C20orf203: variants seen among roughly 807,000 people sequenced by gnomAD.
C20orf203 encodes uncharacterized protein C20orf203.
In C20orf203, 16 loss-of-function variants were observed where a neutral mutation model predicts 15.9. The observed-to-expected ratio is 1.01, with a 90% CI of 0.68 to 1.53. The LOEUF (loss-of-function observed/expected upper bound fraction) is 1.53, where lower values mean the gene tolerates loss of function less well. Ranked by LOEUF, C20orf203 falls within the 40% of genes most tolerant of loss-of-function variation. C20orf203 has a pLI of 0.00. For missense variants in C20orf203, 263 were observed against 247.5 expected, an observed-to-expected ratio of 1.06 and a Z score of -0.42; for synonymous variants, 98 against 97.2, an observed-to-expected ratio of 1.01 and a Z score of -0.05.
At chr20:32,653,246 T>C (rs1401863711) in intron 1 of C20orf203, among the ~76,000 whole-genome samples, 1 of 152,158 alleles carries the variant, frequency 6.6e-6, no homozygotes, top group East Asian at 1.9e-4. Context: ...CAGAGGGAAG[T>C]GACCTGCCTA....
In C20orf203 at chr20:32,651,170, A is replaced by G; in HGVS notation, c.-14-4T>C. 1.1e-5 allele frequency: 1 copy of G among 94,148 alleles called. No individual in the cohort carries two copies. Among genetic ancestry groups the G allele is most frequent in the Non-Finnish European group, 2.4e-5 (1 of 41,274 alleles). 5.8% of individuals were successfully genotyped at this position (94,148 alleles called of 1,614,324 possible). A position where few individuals can be genotyped will look rare whatever the true frequency, so the allele number is the denominator to read the frequency against. On this transcript the variant is annotated splice_polypyrimidine_tract_variant and splice_region_variant and intron_variant, in intron 2 of 5. Transcript: ENST00000608990. ...GGAAACATAGGAGACCCTCTCTCTA[A>G]AAAAAAAAAAAAAAAAAAAAAAATT...
At chr20:32,648,123 C>T (rs1211189892) in intron 4 of C20orf203, among the ~76,000 whole-genome samples, 1 of 152,212 alleles carries the variant, frequency 6.6e-6, no homozygotes, top group African/African-American at 2.4e-5. Flanking sequence ...GGGTATCACA[C>T]CCGGGTCTAG....
At chr20:32,672,253 C>T (rs1306112690) in intron 1 of C20orf203, among the ~76,000 whole-genome samples, 21 of 151,072 alleles carry the variant, frequency 1.4e-4, no homozygotes, top group Admixed American at 1.2e-3. Flanking sequence ...GCAGGAGAAT[C>T]GCTTGAACCC....
Position 32,632,628 on chromosome 20 carries a change from C to T in C20orf203, c.*2942G>A, listed in dbSNP as rs890101357. On this transcript the variant is annotated 3_prime_UTR_variant, in exon 6 of 6. Coordinates refer to ENST00000608990, the MANE Select transcript of C20orf203 (RefSeq NM_182584.4). ...GCTTCTTCCACAGCAGTACACGGGA[C>T]CGCCTCGTTCTTTTTCATGCCTAGA... The T allele has an allele frequency of 4.6e-5, 7 of 152,218 alleles. No individual in the cohort carries two copies. The highest frequency in any genetic ancestry group is 1.7e-4 in the African/African-American group (7 of 41,534). 9.4% of individuals were successfully genotyped at this position (152,218 alleles called of 1,614,324 possible). A position where few individuals can be genotyped will look rare whatever the true frequency, so the allele number is the denominator to read the frequency against.
rs538582790 is a variant in C20orf203 at position 32,643,831 on chromosome 20, G to A, written c.*1178-3144C>T. ...AGGTCATTTCTATCTTGCAGCTTCC[G>A]TGAATCACAGAAAAGATGGGAAGAT... On this transcript the variant is annotated intron_variant, in intron 4 of 5. Coordinates refer to ENST00000608990, the MANE Select transcript of C20orf203 (RefSeq NM_182584.4). 5.6e-4 allele frequency among the ~76,000 whole-genome samples: 86 copies of A among 152,290 alleles called. 1 individual carries two copies. In the South Asian group the frequency reaches 0.011, roughly 20 times the overall value.
chr20:32,636,566 G>A (rs974002271), intron 5 of C20orf203, among the ~76,000 whole-genome samples: 1 of 152,126 alleles, frequency 6.6e-6, no homozygotes, highest in African/African-American at 2.4e-5. Context: ...CCCCTCTGCA[G>A]ACACGCAAGG....
intron 1 of C20orf203, among the ~76,000 whole-genome samples, chr20:32,661,174 G>A (rs997757502): frequency 2.0e-5 from 3 of 152,152 alleles, no homozygotes; most frequent in South Asian, 2.1e-4. Flanking sequence ...CTCAGGACCC[G>A]ACTTAGTCAT....
intron 1 of C20orf203, among the ~76,000 whole-genome samples, chr20:32,654,920 A>G (rs1982718802): frequency 6.6e-6 from 1 of 152,236 alleles, no homozygotes; most frequent in Non-Finnish European, 1.5e-5. Flanking sequence ...AATAAACTAC[A>G]GTAATCAGGA....
At chr20:32,638,864 G>GCTCCC (rs141986943) in intron 5 of C20orf203, among the ~76,000 whole-genome samples, 14,953 of 152,220 alleles carry the variant, frequency 0.098, 1,010 homozygotes, top group East Asian at 0.22. Context: ...CTCCTCCTGC[G>GCTCCC]CTCCCGGCAA....
chr20:32,647,817 T>C (rs1338685868), intron 4 of C20orf203, among the ~76,000 whole-genome samples: 1 of 152,152 alleles, frequency 6.6e-6, no homozygotes, highest in Non-Finnish European at 1.5e-5. Flanking sequence ...GTCAGGTGCA[T>C]AGCCTGGAGT....
In C20orf203 at chr20:32,632,541, A is replaced by T. The variant is rs1982027215; in HGVS notation, c.*3029T>A. The T allele has an allele frequency of 1.3e-5, 2 of 152,156 alleles. No individual in the cohort carries two copies. The highest frequency in any genetic ancestry group is 2.9e-5 in the Non-Finnish European group (2 of 68,030). 9.4% of individuals were successfully genotyped at this position (152,156 alleles called of 1,614,324 possible). A position where few individuals can be genotyped will look rare whatever the true frequency, so the allele number is the denominator to read the frequency against. On this transcript the variant is annotated 3_prime_UTR_variant, in exon 6 of 6. Coordinates refer to ENST00000608990, the MANE Select transcript of C20orf203 (RefSeq NM_182584.4). ...CCTGCCCCCTCCTTGGTACTAACAG[A>T]AGCGCTCCCCACAAAGTGCGCTGTA...
At chr20:32,660,036 GAT>G (rs1429454883) in intron 1 of C20orf203, among the ~76,000 whole-genome samples, 1 of 152,134 alleles carries the variant, frequency 6.6e-6, no homozygotes, top group Non-Finnish European at 1.5e-5. Flanking sequence ...CTTCTCAGCA[GAT>G]CTATAAGTCT....
At chr20:32,648,607 A>ATTT in intron 4 of C20orf203, among the ~76,000 whole-genome samples, 1 of 125,928 alleles carries the variant, frequency 7.9e-6, no homozygotes, top group Admixed American at 7.7e-5. Flanking sequence ...AATCTGGCTA[A>ATTT]TTTTTTTTTT....
chr20:32,670,383 G>A (rs1046836068), intron 1 of C20orf203, among the ~76,000 whole-genome samples: 1 of 149,616 alleles, frequency 6.7e-6, no homozygotes, highest in Non-Finnish European at 1.5e-5. Context: ...GCAGGCACCT[G>A]TAATCTCAGC....
At chr20:32,655,446 A>G (rs1214597126) in intron 1 of C20orf203, among the ~76,000 whole-genome samples, 1 of 152,114 alleles carries the variant, frequency 6.6e-6, no homozygotes, top group African/African-American at 2.4e-5. Context: ...GATTCTAACC[A>G]GCATATATAA....
intron 1 of C20orf203, among the ~76,000 whole-genome samples, chr20:32,662,847 C>A (rs1251473403): frequency 7.2e-6 from 1 of 139,368 alleles, no homozygotes; most frequent in Non-Finnish European, 1.5e-5. Context: ...CGCGCCACTG[C>A]ACTTTAGCTT....
chr20:32,663,216 G>A (rs1982936146), intron 1 of C20orf203, among the ~76,000 whole-genome samples: 1 of 151,772 alleles, frequency 6.6e-6, no homozygotes, highest in Admixed American at 6.6e-5. Context: ...CCGAAGTGCT[G>A]GGATTATAGG....
chr20:32,633,976 G>A lies in C20orf203; in HGVS notation c.*1594C>T, dbSNP rs975610752. 8.3e-5 allele frequency: 33 copies of A among 398,488 alleles called. No individual in the cohort carries two copies. The highest frequency in any genetic ancestry group is 1.3e-4 in the Non-Finnish European group (30 of 226,084). The allele number at this position is 398,488 out of a possible 1,614,324, so 24.7% of individuals were successfully genotyped here. A position where few individuals can be genotyped will look rare whatever the true frequency, so the allele number is the denominator to read the frequency against. On this transcript the variant is annotated 3_prime_UTR_variant, in exon 6 of 6. Transcript: ENST00000608990. ...TTCCCCACTCCGGACTGTTTCATGCGTTCATTCATGTGTCCAACTCTTCAC... is the reference window on the plus strand; with the variant it reads ...TTCCCCACTCCGGACTGTTTCATGCATTCATTCATGTGTCCAACTCTTCAC...
At position 32,644,185 on chromosome 20, in the gene C20orf203, C is replaced by T. The variant is rs566919157; in HGVS notation, c.*1178-3498G>A. Among the ~76,000 whole-genome samples, 221 of 152,328 alleles carry T rather than the reference C, an allele frequency of 1.5e-3. 1 individual carries two copies. The highest frequency in any genetic ancestry group is 4.8e-3 in the African/African-American group (199 of 41,570). On this transcript the variant is annotated intron_variant, in intron 4 of 5. Coordinates refer to ENST00000608990, the MANE Select transcript of C20orf203 (RefSeq NM_182584.4). ...AGTTGTAGCCAGGCACCGTGGCTTACGCCTGTAATCCTAGCACTTTGGGAG... is the reference window on the plus strand; with the variant it reads ...AGTTGTAGCCAGGCACCGTGGCTTATGCCTGTAATCCTAGCACTTTGGGAG...
Sources: allele counts gnomAD v4.1 joint callset (sites outside exome capture counted in the v4.1 genomes callset), GRCh38; gene constraint gnomAD v4.1.1; transcripts MANE v1.5; gene names NCBI Gene and HGNC (gene_info 2026-07-23, HGNC 2026-07-21).